The following PIK3C2G variants were observed in gnomAD, a reference collection of about 807,000 sequenced individuals.
PIK3C2G encodes the protein phosphatidylinositol-4-phosphate 3-kinase catalytic subunit type 2 gamma.
PIK3C2G carries 168 observed loss-of-function variants against 181.1 expected under a neutral mutation model. The observed-to-expected ratio is 0.93, with a 90% CI of 0.82 to 1.05. The LOEUF is 1.05. PIK3C2G is among the 50% of genes least tolerant of loss of function. The pLI, the probability that PIK3C2G is intolerant of heterozygous loss-of-function variation, is 0.00. For synonymous variants in PIK3C2G, 573 were observed against 592.2 expected (o/e 0.97, Z 0.47); for missense variants, 1,869 against 1,732.8 (o/e 1.08, Z -1.40).
At chr12:18,618,397 A>T (rs1948698669) in intron 31 of PIK3C2G, among the ~76,000 whole-genome samples, 1 of 152,240 alleles carries the variant, frequency 6.6e-6, no homozygotes, top group Non-Finnish European at 1.5e-5. Context: ...AGAACAAAAA[A>T]GCCTTTGCAA....
intron 16 of PIK3C2G, among the ~76,000 whole-genome samples, chr12:18,401,678 A>T (rs927403505): frequency 1.3e-5 from 2 of 152,206 alleles, no homozygotes; most frequent in African/African-American, 4.8e-5. Context: ...AAAGATAAAT[A>T]ACCCAACTGT....
intron 11 of PIK3C2G, among the ~76,000 whole-genome samples, chr12:18,350,290 G>A (rs1468166954): frequency 6.6e-6 from 1 of 152,042 alleles, no homozygotes; most frequent in Non-Finnish European, 1.5e-5. Flanking sequence ...AAGTAAGTCA[G>A]TAAACATTAT....
chr12:18,559,610 C>T (rs2136319378), intron 26 of PIK3C2G, among the ~76,000 whole-genome samples: 1 of 143,754 alleles, frequency 7.0e-6, no homozygotes, highest in East Asian at 2.1e-4. Context: ...TCAACTGGGG[C>T]TTTCTTCCAA....
intron 5 of PIK3C2G, among the ~76,000 whole-genome samples, chr12:18,297,155 ATC>A (rs1388442781): frequency 1.3e-5 from 2 of 152,030 alleles, no homozygotes; most frequent in African/African-American, 4.8e-5. Flanking sequence ...CCGTCCCTGC[ATC>A]TCTCTTTTTG....
At chr12:18,631,468 T>A (rs1949347712) in intron 31 of PIK3C2G, among the ~76,000 whole-genome samples, 1 of 152,206 alleles carries the variant, frequency 6.6e-6, no homozygotes, top group Non-Finnish European at 1.5e-5. Flanking sequence ...TGGATTTTCT[T>A]CTTCTGTAAT....
At chr12:18,640,323 CTG>C in intron 31 of PIK3C2G, 104 bp from the exon 32 acceptor site, 1 of 854,794 alleles carries the variant, frequency 1.2e-6, no homozygotes, top group South Asian at 2.1e-5. Context: ...AACAAAGTGA[CTG>C]TAATAAATCC....
chr12:18,306,736 C>T (rs1164486330), intron 5 of PIK3C2G, among the ~76,000 whole-genome samples: 1 of 151,928 alleles, frequency 6.6e-6, no homozygotes. Flanking sequence ...GTTATATTCA[C>T]CTTACATTTC....
At chr12:18,247,381 G>A (rs962656289), upstream of PIK3C2G, among the ~76,000 whole-genome samples, 1 of 152,112 alleles carries the variant, frequency 6.6e-6, no homozygotes, top group Non-Finnish European at 1.5e-5. Context: ...TTGTTGTCGC[G>A]TGCCAGAGAC....
chr12:18,270,134 TC>T (rs1948686377), intron 1 of PIK3C2G, among the ~76,000 whole-genome samples: 1 of 152,076 alleles, frequency 6.6e-6, no homozygotes, highest in Non-Finnish European at 1.5e-5. Context: ...AGTCTTGAAC[TC>T]CCGACCTCAG....
At chr12:18,348,331 T>A (rs566776052) in intron 11 of PIK3C2G, among the ~76,000 whole-genome samples, 4 of 147,634 alleles carry the variant, frequency 2.7e-5, no homozygotes, top group Admixed American at 1.4e-4. Flanking sequence ...CATTTACGCG[T>A]GTGTGTGTGT....
chr12:18,550,720 A>T (rs1944685843), intron 26 of PIK3C2G, among the ~76,000 whole-genome samples: 1 of 152,000 alleles, frequency 6.6e-6, no homozygotes, highest in Non-Finnish European at 1.5e-5. Context: ...GTTTATTGTG[A>T]TACAACTACT....
chr12:18,397,808 C>T (rs1943986369), intron 15 of PIK3C2G, among the ~76,000 whole-genome samples: 1 of 152,042 alleles, frequency 6.6e-6, no homozygotes, highest in Non-Finnish European at 1.5e-5. Context: ...CATATAAAAA[C>T]TTGTGCACAA....
chr12:18,459,222 AG>A (rs1379811552), intron 18 of PIK3C2G, among the ~76,000 whole-genome samples: 1 of 152,204 alleles, frequency 6.6e-6, no homozygotes, highest in East Asian at 1.9e-4. Flanking sequence ...ACTGTTCCTC[AG>A]GCAACCCCCA....
intron 4 of PIK3C2G, 68 bp downstream of exon 4, chr12:18,291,080 CAA>C (rs1949673982): frequency 5.5e-6 from 5 of 912,476 alleles, no homozygotes; most frequent in Non-Finnish European, 8.4e-6. Context: ...GCCTTGAATT[CAA>C]AGTCTGAAGT....
At chr12:18,293,251 A>G (rs1949789803) in intron 4 of PIK3C2G, among the ~76,000 whole-genome samples, 1 of 152,178 alleles carries the variant, frequency 6.6e-6, no homozygotes, top group Non-Finnish European at 1.5e-5. Flanking sequence ...CCTATTTAAC[A>G]GATGAAGAAA....
chr12:18,714,452 A>G, the PIK3C2G span, among the ~76,000 whole-genome samples: 1 of 152,180 alleles, frequency 6.6e-6, no homozygotes, highest in Non-Finnish European at 1.5e-5. Context: ...AAAACATGGG[A>G]ACTGTAGAGA....
At chr12:18,591,914 G>A (rs1485749524) in intron 29 of PIK3C2G, among the ~76,000 whole-genome samples, 1 of 151,842 alleles carries the variant, frequency 6.6e-6, no homozygotes, top group Non-Finnish European at 1.5e-5. Flanking sequence ...AAGATGAATA[G>A]GTGAGCTATT....
At chr12:18,464,782 T>C (rs535931172) in intron 18 of PIK3C2G, among the ~76,000 whole-genome samples, 36 of 152,224 alleles carry the variant, frequency 2.4e-4, no homozygotes, top group Admixed American at 6.6e-5. Flanking sequence ...TTCTAGTTTG[T>C]TAGTTTTCAC....
At chr12:18,354,242 G>T (rs2137725945) in intron 11 of PIK3C2G, among the ~76,000 whole-genome samples, 1 of 152,338 alleles carries the variant, frequency 6.6e-6, no homozygotes, top group Non-Finnish European at 1.5e-5. Context: ...AAGTCCTGTA[G>T]GTAGAAGGGG....
Sources: gnomAD v4.1 joint callset for allele counts (sites outside exome capture counted in the v4.1 genomes callset) on GRCh38, gnomAD v4.1.1 for gene constraint, MANE v1.5 for transcripts, NCBI Gene and HGNC (gene_info 2026-07-23, HGNC 2026-07-21) for gene names.